Variants in SEMA4D observed in about 807,000 individuals in gnomAD.
The protein encoded by SEMA4D is semaphorin 4D.
Under a neutral mutation model 74.8 loss-of-function variants are expected in SEMA4D, and 22 were observed. The ratio of observed to expected loss-of-function variants is 0.29; its 90% CI spans 0.21 to 0.42. SEMA4D has a LOEUF of 0.42. SEMA4D is among the 10% of genes least tolerant of loss of function. The pLI is 1.00. For synonymous variants in SEMA4D, 445 were observed against 463.7 expected, an observed-to-expected ratio of 0.96 and a Z score of 0.52; for missense variants, 937 against 1,118.4, an observed-to-expected ratio of 0.84 and a Z score of 2.31.
intron 2 of SEMA4D, among the ~76,000 whole-genome samples, chr9:89,452,414 G>A (rs896893455): frequency 9.9e-5 from 15 of 151,790 alleles, no homozygotes; most frequent in African/African-American, 2.2e-4. Flanking sequence ...TCCTGACCTC[G>A]TGATCCGCCA....
intron 1 of SEMA4D, among the ~76,000 whole-genome samples, chr9:89,478,408 A>T (rs1215056575): frequency 6.6e-6 from 1 of 152,102 alleles, no homozygotes; most frequent in East Asian, 1.9e-4. Context: ...AAGAAGCAGG[A>T]CGGAGGCCCC....
chr9:89,410,627 G>A (rs2133910595), intron 2 of SEMA4D, among the ~76,000 whole-genome samples: 1 of 152,244 alleles, frequency 6.6e-6, no homozygotes, highest in East Asian at 1.9e-4. Flanking sequence ...CACATGAACT[G>A]GCAGGAGCTC....
At chr9:89,417,047 A>G (rs1845872109) in intron 2 of SEMA4D, among the ~76,000 whole-genome samples, 2 of 152,182 alleles carry the variant, frequency 1.3e-5, no homozygotes, top group South Asian at 4.1e-4. Context: ...GGCTCTCACA[A>G]TGGAATTCTC....
At chr9:89,375,451 G>A (rs1278109122), downstream of SEMA4D, among the ~76,000 whole-genome samples, 1 of 152,228 alleles carries the variant, frequency 6.6e-6, no homozygotes, top group Non-Finnish European at 1.5e-5. Context: ...AGTGCTGGCT[G>A]CCAAGGGACA....
chr9:89,480,621 G>A (rs1485771183), intron 1 of SEMA4D, among the ~76,000 whole-genome samples: 1 of 152,232 alleles, frequency 6.6e-6, no homozygotes, highest in South Asian at 2.1e-4. Flanking sequence ...GGCCAGCACT[G>A]CTGGGGGACT....
chr9:89,362,266 T>G, exon 19 of SEMA4D: 1 of 1,480,486 alleles, frequency 6.8e-7, no homozygotes, highest in Non-Finnish European at 9.4e-7. Flanking sequence ...GGTGGCCCAA[T>G]GGCTGTGTTC....
chr9:89,370,051 T>C (rs1040855821), intron 16 of SEMA4D, among the ~76,000 whole-genome samples: 1 of 151,442 alleles, frequency 6.6e-6, no homozygotes, highest in African/African-American at 2.4e-5. Context: ...GTGTGGTGCA[T>C]GTGTGAGTGG....
rs1464907730 is a variant in SEMA4D at position 89,361,366 on chromosome 9, A to ACT, written c.*1034_*1035dup. 7 of 152,168 alleles carry ACT rather than the reference A, an allele frequency of 4.6e-5. 1 individual carries two copies. Among genetic ancestry groups the ACT allele is most frequent in the African/African-American group, 1.7e-4 (7 of 41,428 alleles). 9.4% of individuals were successfully genotyped at this position (152,168 alleles called of 1,614,324 possible). A position where few individuals can be genotyped will look rare whatever the true frequency, so the allele number is the denominator to read the frequency against. On this transcript the variant is annotated 3_prime_UTR_variant, in exon 19 of 19. Transcript: ENST00000339861. The stretch of plus-strand genomic sequence containing the variant: ...GTCATTGTCACACTGCTGGGAAGAC[A>ACT]CTCAGTATTTGCTAGGATCACCAGA...
intron 1 of SEMA4D, among the ~76,000 whole-genome samples, chr9:89,461,465 T>C (rs1040527784): frequency 2.0e-5 from 3 of 152,136 alleles, no homozygotes; most frequent in Non-Finnish European, 4.4e-5. Context: ...CATGGATGGC[T>C]ATGAGCAAAT....
At chr9:89,459,119 C>T (rs761520236) in intron 1 of SEMA4D, among the ~76,000 whole-genome samples, 7 of 152,184 alleles carry the variant, frequency 4.6e-5, no homozygotes, top group Non-Finnish European at 1.0e-4. Context: ...TCTGAGCCAT[C>T]GCAGCCTCCT....
chr9:89,399,135 C>T (rs1393159750), intron 5 of SEMA4D, 141 bp downstream of exon 5: 1 of 703,224 alleles, frequency 1.4e-6, no homozygotes, highest in Non-Finnish European at 2.5e-6. Context: ...CAAGACGCAT[C>T]ACAACAAAAC....
At chr9:89,382,197 G>A (rs567831739) in intron 13 of SEMA4D, among the ~76,000 whole-genome samples, 1 of 152,328 alleles carries the variant, frequency 6.6e-6, no homozygotes, top group Admixed American at 6.5e-5. Flanking sequence ...GAAGGAGGGT[G>A]CCCCACATGC....
chr9:89,482,083 A>C (rs1218412955), intron 1 of SEMA4D, among the ~76,000 whole-genome samples: 1 of 152,322 alleles, frequency 6.6e-6, no homozygotes, highest in Admixed American at 6.5e-5. Context: ...ACTGCAAAGT[A>C]GTGGGCCATG....
intron 1 of SEMA4D, among the ~76,000 whole-genome samples, chr9:89,489,879 T>C (rs1410570318): frequency 1.3e-5 from 2 of 152,230 alleles, no homozygotes; most frequent in Non-Finnish European, 2.9e-5. Context: ...GTGGGAGTGC[T>C]AGGTCATATG....
chr9:89,453,536 G>A (rs773563326), intron 2 of SEMA4D, among the ~76,000 whole-genome samples: 32 of 152,244 alleles, frequency 2.1e-4, no homozygotes, highest in Non-Finnish European at 2.6e-4. Context: ...CCCCCAGGCC[G>A]TGTTTCCAGC....
chr9:89,375,160 G>C (rs771620751), downstream of SEMA4D, among the ~76,000 whole-genome samples: 38 of 152,170 alleles, frequency 2.5e-4, no homozygotes, highest in Non-Finnish European at 5.1e-4. Context: ...AGACCCGCCC[G>C]CTTCCCAGCC....
chr9:89,428,456 C>T (rs1421019872), intron 2 of SEMA4D, among the ~76,000 whole-genome samples: 1 of 152,260 alleles, frequency 6.6e-6, no homozygotes, highest in Non-Finnish European at 1.5e-5. Context: ...AGAGGGGAGG[C>T]ACACATCCTC....
At chr9:89,363,419 C>T (rs768336525) in intron 18 of SEMA4D, 29 of 1,610,710 alleles carry the variant, frequency 1.8e-5, no homozygotes, top group South Asian at 4.4e-5. Flanking sequence ...TGCCCGGCTG[C>T]GGCCACTTAC....
chr9:89,435,032 C>T (rs1170979207), intron 2 of SEMA4D, among the ~76,000 whole-genome samples: 2 of 152,100 alleles, frequency 1.3e-5, no homozygotes, highest in Non-Finnish European at 2.9e-5. Flanking sequence ...CTGGGAAGTC[C>T]CAACCAAACA....
Sources: gnomAD v4.1 joint callset for allele counts (sites outside exome capture counted in the v4.1 genomes callset) on GRCh38, gnomAD v4.1.1 for gene constraint, MANE v1.5 for transcripts, NCBI Gene and HGNC (gene_info 2026-07-23, HGNC 2026-07-21) for gene names.